The following COL4A5 variants were observed in gnomAD, a reference collection of about 807,000 sequenced individuals.
COL4A5 encodes the protein collagen type IV alpha 5 chain.
A neutral mutation model predicts 130.2 loss-of-function variants in COL4A5; 26 were observed. That is an observed-to-expected ratio of 0.20 (90% CI 0.15 to 0.28). The LOEUF is 0.28. Among genes scored for constraint, COL4A5 ranks in the 10% least tolerant of loss-of-function variants. The pLI, the probability that COL4A5 is intolerant of heterozygous loss-of-function variation, is 1.00. For missense variants in COL4A5, 1,131 were observed against 1,344.3 expected (o/e 0.84, Z 2.48); for synonymous variants, 496 against 439.6 (o/e 1.13, Z -1.60).
At chrX:108,592,021 C>T (rs1227240462) in intron 21 of COL4A5, among the ~76,000 whole-genome samples, 1 of 111,882 alleles carries the variant, frequency 8.9e-6, no homozygotes, top group Non-Finnish European at 1.9e-5. Context: ...CCTTCTCTCA[C>T]TTCATTGCAC....
chrX:108,452,811 C>A (rs1335559367), intron 1 of COL4A5, among the ~76,000 whole-genome samples: 4 of 111,384 alleles, frequency 3.6e-5, no homozygotes, highest in Admixed American at 2.9e-4. Context: ...ACTGAATACC[C>A]TTTATTTCCT....
intron 36 of COL4A5, among the ~76,000 whole-genome samples, chrX:108,648,715 G>A (rs760591286): frequency 1.8e-5 from 2 of 111,246 alleles, no homozygotes; most frequent in Admixed American, 9.5e-5. Flanking sequence ...AACTCTCAGC[G>A]AAGTCAGCAT....
At position 108,528,554 on chromosome X, in the gene COL4A5, A is replaced by G. The variant is rs1402722504; in HGVS notation, c.82-11192A>G. Among the ~76,000 whole-genome samples, 4 of 112,635 alleles carry G rather than the reference A, an allele frequency of 3.6e-5. No homozygotes were observed. The East Asian group carries it at 1.1e-3, about 31-fold the overall frequency. On this transcript the variant is annotated intron_variant, in intron 1 of 52. Transcript: ENST00000328300. The stretch of plus-strand genomic sequence containing the variant: ...AAAGACACTTTTGAAATTCCAGAGA[A>G]AGAATTCAAAATATTGATTTTAAAG...
intron 37 of COL4A5, among the ~76,000 whole-genome samples, chrX:108,660,786 A>G (rs771241853): frequency 1.4e-4 from 16 of 111,229 alleles, no homozygotes; most frequent in Non-Finnish European, 3.0e-4. Context: ...ATAACTTTGG[A>G]AAATCTCAGC....
At chrX:108,521,387 T>C (rs965884768) in intron 1 of COL4A5, among the ~76,000 whole-genome samples, 7 of 110,945 alleles carry the variant, frequency 6.3e-5, no homozygotes, top group African/African-American at 2.3e-4. Context: ...ACTCGGAAAA[T>C]TGAGATAGTA....
At chrX:108,597,722 C>T (rs1481115149) in intron 24 of COL4A5, among the ~76,000 whole-genome samples, 154 bp downstream of exon 24, 2 of 111,987 alleles carry the variant, frequency 1.8e-5, no homozygotes, top group Non-Finnish European at 3.8e-5. Flanking sequence ...TTGTTACTGA[C>T]TACGTAGGGT....
chrX:108,675,639 T>G (rs773520931), intron 43 of COL4A5, among the ~76,000 whole-genome samples: 2 of 111,538 alleles, frequency 1.8e-5, no homozygotes, highest in East Asian at 5.6e-4. Context: ...TGTTTAAATG[T>G]AAAACAATTG....
At chrX:108,665,756 AG>A (rs2068064846) in intron 38 of COL4A5, among the ~76,000 whole-genome samples, 169 bp downstream of exon 38, 1 of 112,761 alleles carries the variant, frequency 8.9e-6, no homozygotes, top group African/African-American at 3.2e-5. Context: ...TTTAATAAAA[AG>A]TGCTTAAAAT....
At chrX:108,615,558 A>C (rs537335097) in intron 30 of COL4A5, among the ~76,000 whole-genome samples, 4 of 111,303 alleles carry the variant, frequency 3.6e-5, no homozygotes, top group African/African-American at 1.3e-4. Flanking sequence ...TTTACTTTTA[A>C]TATTTTATAT....
At chrX:108,575,046 C>T in intron 9 of COL4A5, among the ~76,000 whole-genome samples, 1 of 111,027 alleles carries the variant, frequency 9.0e-6, no homozygotes, top group Non-Finnish European at 1.9e-5. Context: ...GCTTAGGCCT[C>T]CAAAAGTATG....
At chrX:108,581,074 G>A in intron 16 of COL4A5, 47 bp downstream of exon 16, 1 of 1,092,750 alleles carries the variant, frequency 9.2e-7, no homozygotes, top group South Asian at 1.8e-5. Context: ...AGACATTTAT[G>A]TGTTGGTATA....
chrX:108,647,975 T>C (rs1157918730), intron 36 of COL4A5, among the ~76,000 whole-genome samples: 6 of 111,518 alleles, frequency 5.4e-5, no homozygotes, highest in African/African-American at 9.8e-5. Context: ...TTGCTGGATT[T>C]GGTTTGCCAG....
intron 36 of COL4A5, among the ~76,000 whole-genome samples, chrX:108,653,094 G>A (rs918546095): frequency 9.0e-6 from 1 of 111,727 alleles, no homozygotes; most frequent in East Asian, 2.8e-4. Flanking sequence ...CAATGAGTTT[G>A]TGTGTGAATA....
At chrX:108,552,146 T>C (rs1034479437) in intron 2 of COL4A5, among the ~76,000 whole-genome samples, 1 of 111,035 alleles carries the variant, frequency 9.0e-6, no homozygotes, top group African/African-American at 3.3e-5. Context: ...ACTCCAAACC[T>C]CAGTGACATG....
intron 1 of COL4A5, among the ~76,000 whole-genome samples, chrX:108,467,341 G>A (rs969460046): frequency 3.6e-5 from 4 of 111,600 alleles, no homozygotes; most frequent in Non-Finnish European, 5.6e-5. Context: ...TAGACTCTCC[G>A]TTCTATCTCA....
chrX:108,626,020 C>G (rs2067147139), intron 35 of COL4A5, among the ~76,000 whole-genome samples, 190 bp from the exon 36 acceptor site: 1 of 111,874 alleles, frequency 8.9e-6, no homozygotes, highest in South Asian at 3.7e-4. Context: ...TTTTCTCCAG[C>G]TATACCCCCT....
At chrX:108,694,987 C>A in intron 51 of COL4A5, 66 bp downstream of exon 51, 1 of 861,245 alleles carries the variant, frequency 1.2e-6, no homozygotes, top group Non-Finnish European at 1.7e-6. Context: ...CATTTCTTCC[C>A]AATATGAGGA....
intron 1 of COL4A5, among the ~76,000 whole-genome samples, chrX:108,484,698 G>T (rs1294930760): frequency 2.7e-5 from 3 of 112,786 alleles, no homozygotes; most frequent in African/African-American, 6.4e-5. Flanking sequence ...GAGATGTGTT[G>T]ACACAAGCAC....
chrX:108,471,077 G>A (rs1237728791), intron 1 of COL4A5, among the ~76,000 whole-genome samples: 6 of 111,609 alleles, frequency 5.4e-5, no homozygotes, highest in Non-Finnish European at 9.4e-5. Flanking sequence ...GTCAGGTAAC[G>A]TGAGGCCTCC....
Sources: allele counts gnomAD v4.1 joint callset (sites outside exome capture counted in the v4.1 genomes callset), GRCh38; gene constraint gnomAD v4.1.1; transcripts MANE v1.5; gene names NCBI Gene and HGNC (gene_info 2026-07-23, HGNC 2026-07-21).